GPR141: variants seen among roughly 807,000 people sequenced by gnomAD.
GPR141 encodes probable G protein-coupled receptor 141.
A neutral mutation model predicts 6.8 loss-of-function variants in GPR141; 6 were observed. The observed-to-expected ratio is 0.88, with a 90% CI of 0.48 to 1.74. The LOEUF (loss-of-function observed/expected upper bound fraction) is 1.74. Among genes scored for constraint, GPR141 ranks in the 40% most tolerant of loss-of-function variants. GPR141 has a pLI of 0.01. For missense variants in GPR141, 372 were observed against 372.9 expected (o/e 1.00, Z 0.02); for synonymous variants, 140 against 142.3 (o/e 0.98, Z 0.11).
intron 2 of GPR141, among the ~76,000 whole-genome samples, chr7:37,698,667 A>T (rs1467410252): frequency 6.6e-6 from 1 of 152,178 alleles, no homozygotes. Flanking sequence ...TTGGTATTTT[A>T]TGGGTGGCCC....
intron 2 of GPR141, among the ~76,000 whole-genome samples, chr7:37,708,333 A>AAC (rs1810634999): frequency 6.6e-6 from 1 of 151,198 alleles, no homozygotes; most frequent in South Asian, 2.1e-4. Context: ...AAAAAAAAAA[A>AAC]AACGCAAAAG....
chr7:37,688,435 AAAAT>A (rs371334926), intron 2 of GPR141, among the ~76,000 whole-genome samples: 3,596 of 152,146 alleles, frequency 0.024, 174 homozygotes, highest in Admixed American at 0.11. Context: ...TCCATTTGAG[AAAAT>A]AAATAAATAA....
chr7:37,709,127 G>A (rs956895374), intron 2 of GPR141, among the ~76,000 whole-genome samples: 2 of 152,172 alleles, frequency 1.3e-5, no homozygotes, highest in Non-Finnish European at 2.9e-5. Context: ...AAAAGCATAT[G>A]AAAATAGTCT....
At chr7:37,699,802 GT>G (rs931996453) in intron 2 of GPR141, among the ~76,000 whole-genome samples, 1 of 152,132 alleles carries the variant, frequency 6.6e-6, no homozygotes, top group African/African-American at 2.4e-5. Flanking sequence ...ATGTTGTGAG[GT>G]TTTGTTTTTT....
chr7:37,725,443 G>A (rs1362432891), intron 2 of GPR141, among the ~76,000 whole-genome samples: 2 of 152,118 alleles, frequency 1.3e-5, no homozygotes, highest in African/African-American at 2.4e-5. Flanking sequence ...TTCCTGGCAC[G>A]GCATCCTCCT....
At chr7:37,688,932 A>G (rs1809636364) in intron 2 of GPR141, among the ~76,000 whole-genome samples, 1 of 152,160 alleles carries the variant, frequency 6.6e-6, no homozygotes, top group Admixed American at 6.5e-5. Context: ...TTACCATTTT[A>G]AATATTTTAC....
intron 2 of GPR141, among the ~76,000 whole-genome samples, chr7:37,737,530 T>C (rs1386144918): frequency 6.6e-6 from 1 of 152,136 alleles, no homozygotes; most frequent in Non-Finnish European, 1.5e-5. Flanking sequence ...GCTTTGAATG[T>C]AGCCCAACAC....
At chr7:37,690,769 A>G (rs1227448823) in intron 2 of GPR141, among the ~76,000 whole-genome samples, 1 of 152,166 alleles carries the variant, frequency 6.6e-6, no homozygotes, top group Non-Finnish European at 1.5e-5. Context: ...GTTGATGAAA[A>G]AAAAAAAAGT....
At chr7:37,694,515 G>A (rs974188685) in intron 2 of GPR141, among the ~76,000 whole-genome samples, 4 of 152,208 alleles carry the variant, frequency 2.6e-5, no homozygotes, top group Non-Finnish European at 4.4e-5. Flanking sequence ...AGCAGGGAGC[G>A]TGCAGCTGCA....
At chr7:37,709,657 A>G (rs1233741184) in intron 2 of GPR141, 1 of 152,222 alleles carries the variant, frequency 6.6e-6, no homozygotes, top group East Asian at 1.9e-4. Context: ...ATTAAAAGAT[A>G]TTGTTGTTTT....
intron 2 of GPR141, among the ~76,000 whole-genome samples, chr7:37,688,378 G>C (rs550714288): frequency 3.6e-4 from 54 of 152,054 alleles, no homozygotes; most frequent in Non-Finnish European, 6.5e-4. Flanking sequence ...GTTGCAGTGA[G>C]CCAAGATTGC....
chr7:37,714,722 C>T (rs1379854254), intron 2 of GPR141, among the ~76,000 whole-genome samples: 1 of 152,196 alleles, frequency 6.6e-6, no homozygotes. Context: ...AAGATATGGT[C>T]CAAAAACATG....
intron 2 of GPR141, among the ~76,000 whole-genome samples, chr7:37,737,381 A>G (rs1812293869): frequency 6.6e-6 from 1 of 152,156 alleles, no homozygotes; most frequent in African/African-American, 2.4e-5. Flanking sequence ...TATGTGTAAT[A>G]TATCATGTTA....
intron 2 of GPR141, among the ~76,000 whole-genome samples, chr7:37,711,695 T>C (rs1297082729): frequency 6.6e-6 from 1 of 152,214 alleles, no homozygotes; most frequent in African/African-American, 2.4e-5. Flanking sequence ...AATCTCCTAA[T>C]TGGAGGCAAC....
Position 37,740,877 on chromosome 7 carries a change from A to C in GPR141, c.484A>C (p.Asn162His). The C allele has an allele frequency of 6.2e-7, 1 of 1,614,160 alleles. No individual in the cohort carries two copies. The highest frequency in any genetic ancestry group is 8.5e-7 in the Non-Finnish European group (1 of 1,179,976). ...CCGGTATGGAATCCATGAGGAATAC[A>C]ATGAGGAGCACTGTTTTAAATTTCA... ...VSRYGIHEEY[N>H]EEHCFKFHKE... Residue 162 changes from asparagine (N) to histidine (H), a missense_variant, in exon 3 of 3, where the codon AAT becomes CAT. By Grantham distance (68) the Asn-to-His change is moderately conservative (BLOSUM62 1). Transcript: ENST00000334425.
chr7:37,721,894 C>T (rs1195567770), intron 2 of GPR141, among the ~76,000 whole-genome samples: 1 of 152,086 alleles, frequency 6.6e-6, no homozygotes, highest in Non-Finnish European at 1.5e-5. Context: ...TTGTCTTGTT[C>T]ATTTCAGAAT....
intron 2 of GPR141, among the ~76,000 whole-genome samples, chr7:37,736,803 A>C (rs1812261774): frequency 6.6e-6 from 1 of 152,204 alleles, no homozygotes; most frequent in Non-Finnish European, 1.5e-5. Context: ...TTTAAAATGG[A>C]GTTCTTCAGC....
At chr7:37,691,654 G>A (rs1809773528) in intron 2 of GPR141, among the ~76,000 whole-genome samples, 1 of 152,086 alleles carries the variant, frequency 6.6e-6, no homozygotes, top group Non-Finnish European at 1.5e-5. Context: ...CGTGATGATT[G>A]TCGTTTTGCT....
chr7:37,735,779 C>T (rs902201112), intron 2 of GPR141, among the ~76,000 whole-genome samples: 6 of 151,764 alleles, frequency 4.0e-5, no homozygotes, highest in Admixed American at 6.6e-5. Context: ...TTTGAAATAA[C>T]TATGATTAAA....
Sources: allele counts gnomAD v4.1 joint callset (sites outside exome capture counted in the v4.1 genomes callset), GRCh38; gene constraint gnomAD v4.1.1; transcripts MANE v1.5; gene names NCBI Gene and HGNC (gene_info 2026-07-23, HGNC 2026-07-21).